The following CNKSR3 variants were observed in gnomAD, a reference collection of about 807,000 sequenced individuals.
CNKSR3 encodes the protein CNKSR family member 3, also known as connector enhancer of kinase suppressor of ras 3.
Under a neutral mutation model 67.7 loss-of-function variants are expected in CNKSR3, and 36 were observed. The ratio of observed to expected loss-of-function variants is 0.53; its 90% CI spans 0.41 to 0.70. CNKSR3 has a LOEUF of 0.70. Ranked by LOEUF, CNKSR3 falls within the 30% of genes least tolerant of loss-of-function variation. The pLI, the probability that CNKSR3 is intolerant of heterozygous loss-of-function variation, is 0.00. For missense variants in CNKSR3, 630 were observed against 695.2 expected, an observed-to-expected ratio of 0.91 and a Z score of 1.05; for synonymous variants, 281 against 271.4, an observed-to-expected ratio of 1.04 and a Z score of -0.35.
chr6:154,412,497 C>T (rs867000916), intron 10 of CNKSR3, among the ~76,000 whole-genome samples: 58 of 152,160 alleles, frequency 3.8e-4, no homozygotes, highest in African/African-American at 1.3e-3. Flanking sequence ...TGCCTTCCTC[C>T]AGTTTCTGAT....
intron 1 of CNKSR3, among the ~76,000 whole-genome samples, chr6:154,454,205 T>C (rs1312518092): frequency 6.6e-6 from 1 of 151,380 alleles, no homozygotes; most frequent in Admixed American, 6.6e-5. Flanking sequence ...CTGGAGCAAG[T>C]TACTCAGCTG....
At chr6:154,505,989 G>A (rs1234567461) in intron 1 of CNKSR3, among the ~76,000 whole-genome samples, 1 of 152,186 alleles carries the variant, frequency 6.6e-6, no homozygotes, top group Non-Finnish European at 1.5e-5. Context: ...ATCAAGCTTA[G>A]AGAAAAGGAC....
Position 154,397,570 on chromosome 6 carries a change from C to T in CNKSR3, c.*8784G>A, listed in dbSNP as rs551099296. The T allele has an allele frequency of 1.2e-4, 18 of 152,334 alleles. No homozygotes were observed. In the East Asian group the frequency reaches 3.5e-3, roughly 29 times the overall value. 9.4% of individuals were successfully genotyped at this position (152,334 alleles called of 1,614,324 possible). A position where few individuals can be genotyped will look rare whatever the true frequency, so the allele number is the denominator to read the frequency against. ...TTTCCTAGGAATTAACAGTGGCAGG[C>T]CCTGGAAATAGATGGGTAAGAGCAA... On this transcript the variant is annotated 3_prime_UTR_variant, in exon 13 of 13. Coordinates refer to ENST00000607772, the MANE Select transcript of CNKSR3 (RefSeq NM_173515.4).
intron 2 of CNKSR3, among the ~76,000 whole-genome samples, chr6:154,449,439 C>T (rs1268718525): frequency 6.6e-6 from 1 of 152,184 alleles, no homozygotes; most frequent in Admixed American, 6.5e-5. Flanking sequence ...TCTCTGACCT[C>T]AGCCTCCTGA....
rs962232015 is a variant in CNKSR3, at chr6:154,407,882, A to AAAC, written c.1370-1231_1370-1230insGTT. On this transcript the variant is annotated intron_variant, in intron 12 of 12. Coordinates refer to ENST00000607772, the MANE Select transcript of CNKSR3 (RefSeq NM_173515.4). ...CAAATTTTAGAATTTGAAAAAAAAAAAAAAAAAAAAAAACCTAAATTTCCA... is the reference window on the plus strand; with the variant it reads ...CAAATTTTAGAATTTGAAAAAAAAAAAACAAAAAAAAAAAAACCTAAATTTCCA... Among the ~76,000 whole-genome samples the AAAC allele has an allele frequency of 6.0e-5, 9 of 151,052 alleles. No homozygotes were observed. In the East Asian group the frequency reaches 1.7e-3, roughly 29 times the overall value.
intron 5 of CNKSR3, among the ~76,000 whole-genome samples, chr6:154,433,063 C>G (rs973304901): frequency 6.6e-6 from 1 of 152,324 alleles, no homozygotes; most frequent in African/African-American, 2.4e-5. Context: ...TTACAAAATG[C>G]TCCTTAAACA....
chr6:154,414,290 G>A lies in CNKSR3; in HGVS notation c.1070+9C>T. 5 of 1,579,978 alleles carry A rather than the reference G, an allele frequency of 3.2e-6. No homozygotes were observed. Among genetic ancestry groups the A allele is most frequent in the Non-Finnish European group, 2.6e-6 (3 of 1,167,300 alleles). On this transcript the variant is annotated intron_variant, in intron 10 of 12. Transcript: ENST00000607772. The stretch of plus-strand genomic sequence containing the variant: ...GACAAGCATACCATGACAATGGACA[G>A]CAACATACCGGGGAGAGTAGGGAAC...
intron 1 of CNKSR3, among the ~76,000 whole-genome samples, chr6:154,468,886 T>A (rs1417820058): frequency 6.6e-6 from 1 of 152,204 alleles, no homozygotes; most frequent in African/African-American, 2.4e-5. Flanking sequence ...GTGGGCATAA[T>A]GGCTCATGCC....
chr6:154,395,061 G>A lies in CNKSR3; in HGVS notation c.*11293C>T, dbSNP rs3812241. On this transcript the variant is annotated 3_prime_UTR_variant, in exon 13 of 13. Transcript: ENST00000607772. ...AGACCAAAATGCAGGGAGTACAGGT[G>A]GAAAAGGTCAAGTGGAACGGAGGTG... The A allele has an allele frequency of 0.11, 16,256 of 152,288 alleles. 1,172 individuals are homozygous for A. The highest frequency in any genetic ancestry group is 0.24 in the Admixed American group (3,675 of 15,288). The allele number at this position is 152,288 out of a possible 1,614,324, so 9.4% of individuals were successfully genotyped here.
At position 154,391,829 on chromosome 6, in the gene CNKSR3, AC is replaced by A. The variant is rs2128708002; in HGVS notation, c.*14524del. On this transcript the variant is annotated 3_prime_UTR_variant, in exon 13 of 13. Coordinates refer to ENST00000607772, the MANE Select transcript of CNKSR3 (RefSeq NM_173515.4). The stretch of plus-strand genomic sequence containing the variant: ...TTTCCCACAATCTTGCTGCCCCGTC[AC>A]AGGTAACCAACATCCTAAACTTGGT... The A allele has an allele frequency of 6.6e-6, 1 of 152,350 alleles. No homozygotes were observed. The highest frequency in any genetic ancestry group is 6.5e-5 in the Admixed American group (1 of 15,304). The allele number at this position is 152,350 out of a possible 1,614,324, so 9.4% of individuals were successfully genotyped here.
chr6:154,486,249 T>A (rs146763567), intron 1 of CNKSR3, among the ~76,000 whole-genome samples: 1 of 151,980 alleles, frequency 6.6e-6, no homozygotes, highest in African/African-American at 2.4e-5. Flanking sequence ...CTCGACAGCA[T>A]GACATTTAAA....
chr6:154,504,938 GT>G (rs1421489961), intron 1 of CNKSR3, among the ~76,000 whole-genome samples: 2 of 151,642 alleles, frequency 1.3e-5, no homozygotes, highest in Non-Finnish European at 2.9e-5. Context: ...ATCAATCAAT[GT>G]TTTTCTGTTA....
chr6:154,471,316 T>G (rs1786326025), intron 1 of CNKSR3, among the ~76,000 whole-genome samples: 1 of 152,186 alleles, frequency 6.6e-6, no homozygotes, highest in African/African-American at 2.4e-5. Flanking sequence ...GGCAGGCAGA[T>G]CGCTTGAGGT....
At chr6:154,479,174 G>A (rs1411401248) in intron 1 of CNKSR3, among the ~76,000 whole-genome samples, 2 of 151,382 alleles carry the variant, frequency 1.3e-5, no homozygotes, top group African/African-American at 2.4e-5. Flanking sequence ...AAAGTGGCCA[G>A]GACTCAAGAC....
intron 1 of CNKSR3, among the ~76,000 whole-genome samples, chr6:154,484,955 T>C (rs1036077392): frequency 2.6e-5 from 4 of 152,276 alleles, no homozygotes; most frequent in Non-Finnish European, 1.5e-5. Flanking sequence ...GTCTCAGGCC[T>C]TTGGAGAGGT....
At chr6:154,443,382 C>T (rs1352098484) in intron 2 of CNKSR3, among the ~76,000 whole-genome samples, 1 of 151,538 alleles carries the variant, frequency 6.6e-6, no homozygotes, top group Non-Finnish European at 1.5e-5. Flanking sequence ...CTGCTCTCTA[C>T]CCATCAGATG....
intron 1 of CNKSR3, among the ~76,000 whole-genome samples, chr6:154,456,662 A>G (rs1305634912): frequency 1.4e-5 from 2 of 146,792 alleles, no homozygotes; most frequent in Admixed American, 1.4e-4. Context: ...AGCTGAGAAC[A>G]TGCCATTGCA....
chr6:154,505,682 A>G (rs1047639392), intron 1 of CNKSR3, among the ~76,000 whole-genome samples: 4 of 150,666 alleles, frequency 2.7e-5, no homozygotes, highest in African/African-American at 4.9e-5. Flanking sequence ...TGTATTTTTT[A>G]GTAGAGATGG....
At chr6:154,481,840 C>T (rs1289152023) in intron 1 of CNKSR3, among the ~76,000 whole-genome samples, 3 of 152,164 alleles carry the variant, frequency 2.0e-5, no homozygotes, top group South Asian at 2.1e-4. Context: ...CTTCTACTCC[C>T]GGGACAACTG....
Sources: allele counts gnomAD v4.1 joint callset (sites outside exome capture counted in the v4.1 genomes callset), GRCh38; gene constraint gnomAD v4.1.1; transcripts MANE v1.5; gene names NCBI Gene and HGNC (gene_info 2026-07-23, HGNC 2026-07-21).